Variants in ZFP64 observed in about 807,000 individuals in gnomAD.
ZFP64 encodes the protein ZFP64 zinc finger protein, also known as zinc finger protein 64.
A neutral mutation model predicts 51.6 loss-of-function variants in ZFP64; 14 were observed. That is an observed-to-expected ratio of 0.27 (90% CI 0.18 to 0.42). ZFP64 has a LOEUF of 0.42. Ranked by LOEUF, ZFP64 falls within the 10% of genes least tolerant of loss-of-function variation. The probability of loss-of-function intolerance (pLI) is 1.00; values close to 1 mark genes in which losing one functional copy is unlikely to be tolerated. For synonymous variants in ZFP64, 375 were observed against 361.4 expected (o/e 1.04, Z -0.43); for missense variants, 754 against 906.8 (o/e 0.83, Z 2.16).
At chr20:52,101,939 CCAAAAAA>C (rs1432422973) in intron 5 of ZFP64, among the ~76,000 whole-genome samples, 8 of 81,450 alleles carry the variant, frequency 9.8e-5, no homozygotes, top group East Asian at 1.0e-3. Context: ...ACTAAAAATA[CCAAAAAA>C]AAAAAAAAAA....
chr20:52,102,497 A>G (rs1046495258), intron 5 of ZFP64, among the ~76,000 whole-genome samples: 6 of 152,162 alleles, frequency 3.9e-5, no homozygotes, highest in Non-Finnish European at 7.4e-5. Flanking sequence ...TGGAACCCAC[A>G]CTTGCCAGAT....
chr20:52,162,614 G>A (rs1264174658), intron 4 of ZFP64, among the ~76,000 whole-genome samples: 6 of 152,080 alleles, frequency 3.9e-5, no homozygotes, highest in Admixed American at 6.6e-5. Context: ...GTGACAGAGC[G>A]AGACTCTGTC....
intron 7 of ZFP64, chr20:52,097,038 T>G: frequency 1.5e-6 from 1 of 649,324 alleles, no homozygotes; most frequent in Non-Finnish European, 3.0e-6. Flanking sequence ...GGGCTGCAGT[T>G]TGTAATCCTG....
At position 52,152,067 on chromosome 20, in the gene ZFP64, G is replaced by C. The variant is rs1400466355; in HGVS notation, c.*79C>G. On this transcript the variant is annotated 3_prime_UTR_variant, in exon 6 of 6. Transcript: ENST00000216923. ...CAAAACAAAACAAAGAAAACATTAA[G>C]AGCAAACCTTTTAGAGAATTCTACT... 4 of 1,519,648 alleles carry C rather than the reference G, an allele frequency of 2.6e-6. No individual in the cohort carries two copies. Among genetic ancestry groups the C allele is most frequent in the Non-Finnish European group, 3.5e-6 (4 of 1,136,068 alleles). 94.1% of individuals were successfully genotyped at this position (1,519,648 alleles called of 1,614,324 possible).
At chr20:52,145,550 A>T (rs540564429) in intron 5 of ZFP64, among the ~76,000 whole-genome samples, 1 of 152,266 alleles carries the variant, frequency 6.6e-6, no homozygotes, top group Non-Finnish European at 1.5e-5. Flanking sequence ...AGGTGGGAGG[A>T]TCACCTGAGC....
At chr20:52,100,005 T>G (rs2079033681) in intron 5 of ZFP64, among the ~76,000 whole-genome samples, 1 of 152,158 alleles carries the variant, frequency 6.6e-6, no homozygotes, top group African/African-American at 2.4e-5. Flanking sequence ...AAGTTTTTTC[T>G]TTTTTTGAGA....
chr20:52,096,888 C>A (rs1419836646), intron 7 of ZFP64: 2 of 352,862 alleles, frequency 5.7e-6, no homozygotes, highest in Non-Finnish European at 1.1e-5. Context: ...GACTCTGTCT[C>A]AGAGAAAAAA....
chr20:52,121,613 T>G (rs1035841869), intron 5 of ZFP64, among the ~76,000 whole-genome samples: 1 of 150,284 alleles, frequency 6.7e-6, no homozygotes, highest in African/African-American at 2.4e-5. Context: ...AAAGGCACTG[T>G]CTTCATAACA....
intron 5 of ZFP64, among the ~76,000 whole-genome samples, chr20:52,114,909 C>G (rs1405231985): frequency 6.6e-6 from 1 of 152,104 alleles, no homozygotes; most frequent in Non-Finnish European, 1.5e-5. Flanking sequence ...CATGAAATAC[C>G]AGGCCAGGCC....
intron 4 of ZFP64, among the ~76,000 whole-genome samples, chr20:52,164,373 G>C (rs1251366001): frequency 6.6e-6 from 1 of 152,004 alleles, no homozygotes; most frequent in East Asian, 1.9e-4. Flanking sequence ...GAACTCGTAG[G>C]GTCATCTCCT....
At chr20:52,099,000 TTTA>T (rs2079022469) in intron 5 of ZFP64, among the ~76,000 whole-genome samples, 1 of 105,778 alleles carries the variant, frequency 9.5e-6, no homozygotes, top group South Asian at 3.9e-4. Flanking sequence ...AGACTCTGTC[TTTA>T]CCAAAAAAAA....
At chr20:52,154,906 C>G (rs974871681) in intron 5 of ZFP64, among the ~76,000 whole-genome samples, 2 of 152,046 alleles carry the variant, frequency 1.3e-5, no homozygotes, top group African/African-American at 4.8e-5. Context: ...ACTATCTGGC[C>G]CTTTTCAGAA....
intron 4 of ZFP64, among the ~76,000 whole-genome samples, chr20:52,164,374 G>A (rs1982071513): frequency 6.6e-6 from 1 of 152,134 alleles, no homozygotes; most frequent in South Asian, 2.1e-4. Flanking sequence ...AACTCGTAGG[G>A]TCATCTCCTC....
intron 4 of ZFP64, among the ~76,000 whole-genome samples, chr20:52,164,182 G>A (rs749592973): frequency 9.9e-5 from 15 of 152,106 alleles, no homozygotes; most frequent in African/African-American, 2.7e-4. Flanking sequence ...GTGTGGTGGC[G>A]TCTGCCTGTA....
At chr20:52,121,151 A>G (rs2122851533) in intron 5 of ZFP64, among the ~76,000 whole-genome samples, 1 of 152,240 alleles carries the variant, frequency 6.6e-6, no homozygotes, top group Non-Finnish European at 1.5e-5. Context: ...GAGACACAAC[A>G]TTGAAATTAG....
intron 5 of ZFP64, among the ~76,000 whole-genome samples, chr20:52,119,576 AACACACAC>A (rs138828393): frequency 1.5e-5 from 2 of 132,554 alleles, no homozygotes; most frequent in African/African-American, 2.9e-5. Flanking sequence ...ATACACACAC[AACACACAC>A]ACACACACAC....
intron 5 of ZFP64, among the ~76,000 whole-genome samples, chr20:52,115,682 TG>T (rs1978826363): frequency 6.6e-6 from 1 of 152,104 alleles, no homozygotes; most frequent in Non-Finnish European, 1.5e-5. Flanking sequence ...CCCAAAGTGC[TG>T]GGATTACAGG....
At chr20:52,190,719 C>T (rs1037125707) in intron 1 of ZFP64, among the ~76,000 whole-genome samples, 3 of 152,114 alleles carry the variant, frequency 2.0e-5, no homozygotes, top group Non-Finnish European at 4.4e-5. Flanking sequence ...AATACACCGC[C>T]AAGTTTGGGA....
chr20:52,153,029 T>G lies in ZFP64; in HGVS notation c.1163A>C (p.Lys388Thr). The change falls in exon 6 of 6, where the codon AAG (lysine) becomes ACG (threonine). Residue 388 changes from lysine (K) to threonine (T), a missense_variant. By Grantham distance (78) the Lys-to-Thr change is moderately conservative. Around this residue, in one of 3 missense-constraint regions of ZFP64, gnomAD observed 428 missense variants for 472.4 expected, o/e 0.91. Transcript: ENST00000216923. The surrounding 1 kb of genome is among the most constrained non-coding windows in gnomAD (Gnocchi z 5.1). ...GTCCCCATGGAACTTCTTCATGTGC[T>G]TGCTCAGGTTGCTGGGCTGTTTGGT... is the stretch of plus-strand genomic sequence containing the variant. Reference protein sequence around the residue: ...FDTKQPSNLSKHMKKFHGDMV... With the variant: ...FDTKQPSNLSTHMKKFHGDMV... 1 of 1,614,132 alleles carries G rather than the reference T, an allele frequency of 6.2e-7. No individual in the cohort carries two copies. Among genetic ancestry groups the G allele is most frequent in the East Asian group, 2.2e-5 (1 of 44,882 alleles).
Sources: allele counts gnomAD v4.1 joint callset (sites outside exome capture counted in the v4.1 genomes callset), GRCh38; gene constraint gnomAD v4.1.1; regional missense constraint gnomAD v4.1.1; non-coding constraint Gnocchi (gnomAD v3.1); transcripts MANE v1.5; gene names NCBI Gene and HGNC (gene_info 2026-07-23, HGNC 2026-07-21).